TXNDC16: variants seen among roughly 807,000 people sequenced by gnomAD.
The protein encoded by TXNDC16 is thioredoxin domain-containing protein 16.
A neutral mutation model predicts 85.6 loss-of-function variants in TXNDC16; 74 were observed. That is an observed-to-expected ratio of 0.86 (90% confidence interval 0.72 to 1.05). The LOEUF (loss-of-function observed/expected upper bound fraction) is 1.05. Ranked by LOEUF, TXNDC16 falls within the 50% of genes least tolerant of loss-of-function variation. The probability of loss-of-function intolerance (pLI) is 0.00; values close to 1 mark genes in which losing one functional copy is unlikely to be tolerated. For missense variants in TXNDC16, 959 were observed against 947.0 expected, an observed-to-expected ratio of 1.01 and a Z score of -0.17; for synonymous variants, 335 against 326.5, an observed-to-expected ratio of 1.03 and a Z score of -0.28.
intron 6 of TXNDC16, among the ~76,000 whole-genome samples, chr14:52,530,118 A>G (rs1220479376): frequency 2.1e-5 from 2 of 93,500 alleles, no homozygotes; most frequent in African/African-American, 8.9e-5. Context: ...TATATTATAT[A>G]TATTTACATA....
chr14:52,498,764 T>G (rs1402233251), intron 9 of TXNDC16, among the ~76,000 whole-genome samples: 2 of 152,054 alleles, frequency 1.3e-5, no homozygotes, highest in African/African-American at 4.8e-5. Flanking sequence ...AATCTACAGA[T>G]TCAATGCAAT....
Position 52,471,261 on chromosome 14 carries a change from C to T in TXNDC16, c.1313-581G>A, listed in dbSNP as rs78626291. 4.8e-3 allele frequency among the ~76,000 whole-genome samples: 726 copies of T among 152,280 alleles called. 14 individuals carry two copies. Among genetic ancestry groups the T allele is most frequent in the Admixed American group, 0.039 (599 of 15,302 alleles). ...TCAGCATGTTCTTTCAATTTTACCA[C>T]CTGAATTTTTAATATATCTAATTAC... On this transcript the variant is annotated intron_variant, in intron 14 of 20. Coordinates refer to ENST00000281741, the MANE Select transcript of TXNDC16 (RefSeq NM_020784.3).
intron 18 of TXNDC16, among the ~76,000 whole-genome samples, chr14:52,452,767 T>C (rs1368208591): frequency 6.6e-6 from 1 of 152,118 alleles, no homozygotes; most frequent in African/African-American, 2.4e-5. Flanking sequence ...GACACTAGAC[T>C]GGGCAAAGAC....
rs146297011 is a variant in TXNDC16 at position 52,550,513 on chromosome 14, A to G, written c.-182+1803T>C. Among the ~76,000 whole-genome samples, 1,403 of 151,670 alleles carry G rather than the reference A, an allele frequency of 9.3e-3. 19 individuals carry two copies. Among genetic ancestry groups the G allele is most frequent in the African/African-American group, 0.032 (1,340 of 41,288 alleles). On this transcript the variant is annotated intron_variant, in intron 1 of 20. Coordinates refer to ENST00000281741, the MANE Select transcript of TXNDC16 (RefSeq NM_020784.3). ...CCTCACCGCCCACCTCTAAACACACACTCCCATCCCCCAAAAAAGAGAAAG... is the reference window on the plus strand; with the variant it reads ...CCTCACCGCCCACCTCTAAACACACGCTCCCATCCCCCAAAAAAGAGAAAG...
At chr14:52,528,915 A>C (rs1443167305) in intron 6 of TXNDC16, among the ~76,000 whole-genome samples, 1 of 147,560 alleles carries the variant, frequency 6.8e-6, no homozygotes, top group African/African-American at 2.5e-5. Context: ...TATTATCTAT[A>C]ATACCTATTA....
Position 52,435,852 on chromosome 14 carries a change from G to A in TXNDC16, c.2195-3265C>T, listed in dbSNP as rs535800146. 1.1e-4 allele frequency among the ~76,000 whole-genome samples: 16 copies of A among 152,100 alleles called. No homozygotes were observed. The South Asian group carries it at 3.3e-3, about 32-fold the overall frequency. On this transcript the variant is annotated intron_variant, in intron 20 of 20. Coordinates refer to ENST00000281741, the MANE Select transcript of TXNDC16 (RefSeq NM_020784.3). ...AATGAAGCCAGGCTTGGTGGTGCAT[G>A]CATGTAGTCCTAGCTACTTGGAAGG...
At position 52,470,599 on chromosome 14, in the gene TXNDC16, G is replaced by T; in HGVS notation, c.1394C>A (p.Pro465His). 1 of 1,613,930 alleles carries T rather than the reference G, an allele frequency of 6.2e-7. No individual in the cohort carries two copies. Among genetic ancestry groups the T allele is most frequent in the Non-Finnish European group, 8.5e-7 (1 of 1,179,932 alleles). ...VCTKQNVTEF[P>H]IIKMYKKGEN... ...GCCTTTCTTGTACATCTTTATGATA[G>T]GAAATTCAGTAACATTTTGCTTAGT... The change falls in exon 15 of 21, where the codon CCT becomes CAT. Residue 465 changes from proline (P) to histidine (H), a missense_variant. Transcript: ENST00000281741.
At chr14:52,462,610 T>C (rs1319600853) in intron 16 of TXNDC16, among the ~76,000 whole-genome samples, 1 of 152,184 alleles carries the variant, frequency 6.6e-6, no homozygotes, top group African/African-American at 2.4e-5. Flanking sequence ...CATGTGGAAA[T>C]ATAAGCCACT....
chr14:52,543,832 T>TA (rs2037886500), intron 2 of TXNDC16, among the ~76,000 whole-genome samples: 1 of 152,092 alleles, frequency 6.6e-6, no homozygotes, highest in African/African-American at 2.4e-5. Flanking sequence ...TTGCAAAAGA[T>TA]ATCAAAACTA....
chr14:52,476,547 G>C (rs2036025149), intron 14 of TXNDC16, among the ~76,000 whole-genome samples: 1 of 151,958 alleles, frequency 6.6e-6, no homozygotes, highest in Admixed American at 6.6e-5. Flanking sequence ...AAATGCTCTG[G>C]AAAGTCTCAG....
rs2034886116 is a variant in TXNDC16, at chr14:52,431,197, G to A, written c.*1107C>T. 1 of 152,214 alleles carries A rather than the reference G, an allele frequency of 6.6e-6. No individual in the cohort carries two copies. The highest frequency in any genetic ancestry group is 2.4e-5 in the African/African-American group (1 of 41,442). 9.4% of individuals were successfully genotyped at this position (152,214 alleles called of 1,614,324 possible). A position where few individuals can be genotyped will look rare whatever the true frequency, so the allele number is the denominator to read the frequency against. On this transcript the variant is annotated 3_prime_UTR_variant, in exon 21 of 21. Transcript: ENST00000281741. The stretch of plus-strand genomic sequence containing the variant: ...CTCCCTCACAGAATGAGGCCGTGTG[G>A]CTCAGGGAGATCAACTGATTTGTCT...
intron 12 of TXNDC16, among the ~76,000 whole-genome samples, chr14:52,488,158 T>C (rs2036312511): frequency 6.6e-6 from 1 of 152,222 alleles, no homozygotes; most frequent in Non-Finnish European, 1.5e-5. Flanking sequence ...ACAGTAAATG[T>C]TAATACATTA....
chr14:52,490,368 G>A (rs2036371827), intron 11 of TXNDC16, 23 bp downstream of exon 11: 5 of 1,523,724 alleles, frequency 3.3e-6, no homozygotes, highest in South Asian at 2.5e-5. Context: ...AGATATTGTA[G>A]AACAATACAT....
At chr14:52,467,475 C>T (rs935443808) in intron 16 of TXNDC16, among the ~76,000 whole-genome samples, 21 of 152,026 alleles carry the variant, frequency 1.4e-4, no homozygotes, top group Non-Finnish European at 2.8e-4. Flanking sequence ...TACAAATGAC[C>T]AAGAAGCATA....
At chr14:52,523,635 T>C (rs1184209997) in intron 6 of TXNDC16, among the ~76,000 whole-genome samples, 1 of 152,136 alleles carries the variant, frequency 6.6e-6, no homozygotes, top group East Asian at 1.9e-4. Context: ...TAAATTAACA[T>C]AGATTAAAAA....
chr14:52,465,628 G>A (rs955188931), intron 16 of TXNDC16, among the ~76,000 whole-genome samples: 4 of 149,376 alleles, frequency 2.7e-5, no homozygotes, highest in African/African-American at 9.9e-5. Context: ...TTTTGTTACC[G>A]ACTCAAGAGG....
chr14:52,526,716 C>T (rs1320073714), intron 6 of TXNDC16, among the ~76,000 whole-genome samples: 1 of 152,206 alleles, frequency 6.6e-6, no homozygotes, highest in Non-Finnish European at 1.5e-5. Flanking sequence ...TGCTAATGTG[C>T]TGACTGATGG....
chr14:52,439,491 T>C (rs769693236), intron 19 of TXNDC16, 97 bp from the exon 20 acceptor site: 23 of 1,054,628 alleles, frequency 2.2e-5, no homozygotes, highest in Non-Finnish European at 2.7e-5. Flanking sequence ...AGTAGTATCA[T>C]GCCAGTAAGT....
intron 6 of TXNDC16, among the ~76,000 whole-genome samples, chr14:52,527,462 C>T (rs2037363705): frequency 6.6e-6 from 1 of 152,126 alleles, no homozygotes; most frequent in African/African-American, 2.4e-5. Context: ...ATCTTCTCTT[C>T]CCCAGAGTCA....
Sources: gnomAD v4.1 joint callset for allele counts (sites outside exome capture counted in the v4.1 genomes callset) on GRCh38, gnomAD v4.1.1 for gene constraint, MANE v1.5 for transcripts, NCBI Gene and HGNC (gene_info 2026-07-23, HGNC 2026-07-21) for gene names.